NDUFV2: variants seen among roughly 807,000 people sequenced by gnomAD.
NDUFV2 encodes the protein NADH dehydrogenase [ubiquinone] flavoprotein 2, mitochondrial.
Under a neutral mutation model 31.6 loss-of-function variants are expected in NDUFV2, and 18 were observed. The ratio of observed to expected loss-of-function variants is 0.57; its 90% CI spans 0.39 to 0.84. The LOEUF is 0.84. NDUFV2 is among the 40% of genes least tolerant of loss of function. NDUFV2 has a pLI of 0.00. For missense variants in NDUFV2, 314 were observed against 303.6 expected, an observed-to-expected ratio of 1.03 and a Z score of -0.26; for synonymous variants, 83 against 99.8, an observed-to-expected ratio of 0.83 and a Z score of 1.01.
chr18:9,103,525 A>C (rs1235105738), intron 1 of NDUFV2: 1 of 171,894 alleles, frequency 5.8e-6, no homozygotes, highest in East Asian at 1.6e-4. Flanking sequence ...TTATAACAAC[A>C]GGGCCTGTTA....
rs993842890 is a variant in NDUFV2 at position 9,125,123 on chromosome 18, A to C, written c.579+140A>C. On this transcript the variant is annotated intron_variant, in intron 6 of 7. Coordinates refer to ENST00000318388, the MANE Select transcript of NDUFV2 (RefSeq NM_021074.5). ...TGGTTACCATAAATATCCAGGTTTT[A>C]AAAAATTCTTTAAACATTTTTGCAT... 4 of 949,474 alleles carry C rather than the reference A, an allele frequency of 4.2e-6. No individual in the cohort carries two copies. In the African/African-American group the frequency reaches 6.7e-5, roughly 16 times the overall value. 58.8% of individuals were successfully genotyped at this position (949,474 alleles called of 1,614,324 possible). A position where few individuals can be genotyped will look rare whatever the true frequency, so the allele number is the denominator to read the frequency against.
intron 1 of NDUFV2, among the ~76,000 whole-genome samples, chr18:9,105,954 A>C (rs2077839693): frequency 6.6e-6 from 1 of 152,106 alleles, no homozygotes. Context: ...ATGTTGAACA[A>C]TTTTGGATTG....
chr18:9,132,608 GGC>G (rs2078049570), intron 7 of NDUFV2, among the ~76,000 whole-genome samples: 2 of 152,122 alleles, frequency 1.3e-5, no homozygotes. Context: ...CGGGCACAGT[GGC>G]TCACCTGTAA....
At chr18:9,103,487 TAAAA>T (rs1011186495) in intron 1 of NDUFV2, 36 of 206,956 alleles carry the variant, frequency 1.7e-4, no homozygotes, top group African/African-American at 7.5e-4. Flanking sequence ...CACGTTAATC[TAAAA>T]ATGCAGATTT....
intron 1 of NDUFV2, among the ~76,000 whole-genome samples, chr18:9,110,397 C>T (rs745319008): frequency 2.2e-4 from 33 of 151,976 alleles, no homozygotes; most frequent in Non-Finnish European, 4.4e-4. Context: ...ATTTTCAGGC[C>T]ACCTGTAACT....
intron 4 of NDUFV2, among the ~76,000 whole-genome samples, chr18:9,120,120 ATAT>A (rs1200377765): frequency 6.6e-6 from 1 of 152,150 alleles, no homozygotes; most frequent in African/African-American, 2.4e-5. Context: ...TATTCATATA[ATAT>A]TCATTTTTCC....
chr18:9,120,664 A>G (rs916888999), intron 4 of NDUFV2, among the ~76,000 whole-genome samples: 5 of 58,698 alleles, frequency 8.5e-5, no homozygotes, highest in Admixed American at 6.1e-4. Context: ...GTATAGTACT[A>G]TAACACTGGT....
At chr18:9,104,816 G>A in intron 1 of NDUFV2, 6 of 952,076 alleles carry the variant, frequency 6.3e-6, no homozygotes, top group East Asian at 3.0e-5. Flanking sequence ...TATTACACAC[G>A]TCATACGTGT....
intron 1 of NDUFV2, among the ~76,000 whole-genome samples, chr18:9,107,603 C>T (rs1432718231): frequency 1.3e-5 from 2 of 152,216 alleles, no homozygotes; most frequent in African/African-American, 4.8e-5. Context: ...TGCCCAAGAT[C>T]ACACAGTAGT....
At position 9,124,847 on chromosome 18, in the gene NDUFV2, C is replaced by T. The variant is rs1163236190; in HGVS notation, c.470-27C>T. ...AATGACTATTAAAATATAACCTGGT[C>T]CTTAGAGTGTTTATTTGTATTTTTA... is the stretch of plus-strand genomic sequence containing the variant. On this transcript the variant is annotated intron_variant, in intron 5 of 7. Coordinates refer to ENST00000318388, the MANE Select transcript of NDUFV2 (RefSeq NM_021074.5). 3.1e-6 allele frequency: 5 copies of T among 1,598,258 alleles called. No individual in the cohort carries two copies. The African/African-American group carries it at 6.8e-5, about 22-fold the overall frequency.
At chr18:9,132,018 A>AT (rs2078044611) in intron 7 of NDUFV2, among the ~76,000 whole-genome samples, 2 of 152,154 alleles carry the variant, frequency 1.3e-5, no homozygotes. Flanking sequence ...CCTTTGTAGT[A>AT]TTTTAAGGTA....
At chr18:9,128,330 A>C (rs539248034) in intron 7 of NDUFV2, among the ~76,000 whole-genome samples, 2 of 152,366 alleles carry the variant, frequency 1.3e-5, no homozygotes. Flanking sequence ...AAAACTACTA[A>C]TAATACCCTA....
chr18:9,118,854 T>G (rs1371325144), intron 2 of NDUFV2, among the ~76,000 whole-genome samples: 1 of 150,286 alleles, frequency 6.7e-6, no homozygotes, highest in Non-Finnish European at 1.5e-5. Context: ...ATGGTCCTTT[T>G]GTACCCTCCT....
chr18:9,120,367 A>G (rs1183515568), intron 4 of NDUFV2, among the ~76,000 whole-genome samples: 1 of 152,210 alleles, frequency 6.6e-6, no homozygotes, highest in Non-Finnish European at 1.5e-5. Flanking sequence ...CCTCATTGGC[A>G]ATGAAAGTTT....
At position 9,117,575 on chromosome 18, in the gene NDUFV2, G is replaced by T. The variant is rs1598345143; in HGVS notation, c.55-263G>T. The T allele has an allele frequency of 7.4e-6, 3 of 403,850 alleles. No homozygotes were observed. In the East Asian group the frequency reaches 1.3e-4, roughly 17 times the overall value. The allele number at this position is 403,850 out of a possible 1,614,324, so 25.0% of individuals were successfully genotyped here. A position where few individuals can be genotyped will look rare whatever the true frequency, so the allele number is the denominator to read the frequency against. The stretch of plus-strand genomic sequence containing the variant: ...GCATGCCAGCAGAGCGTGGCAGGAA[G>T]GTACACAAGTCAGCAGATCTGGGTT... On this transcript the variant is annotated intron_variant, in intron 1 of 7. Coordinates refer to ENST00000318388, the MANE Select transcript of NDUFV2 (RefSeq NM_021074.5).
chr18:9,124,057 T>G (rs1296445191), intron 5 of NDUFV2, among the ~76,000 whole-genome samples: 1 of 152,140 alleles, frequency 6.6e-6, no homozygotes, highest in Non-Finnish European at 1.5e-5. Flanking sequence ...ACAATCAAAA[T>G]GAAAATAATA....
At chr18:9,119,807 A>T (rs1004420665) in intron 4 of NDUFV2, among the ~76,000 whole-genome samples, 9 of 151,852 alleles carry the variant, frequency 5.9e-5, no homozygotes, top group African/African-American at 9.7e-5. Flanking sequence ...GGAAGGCATT[A>T]TGGTGAAAGA....
intron 1 of NDUFV2, among the ~76,000 whole-genome samples, chr18:9,106,064 C>T (rs1412973211): frequency 1.3e-5 from 2 of 152,190 alleles, no homozygotes; most frequent in Non-Finnish European, 2.9e-5. Context: ...CCCTTGTGGG[C>T]AGCAGATCAA....
chr18:9,126,799 T>A, intron 6 of NDUFV2, 32 bp from the exon 7 acceptor site: 2 of 1,545,008 alleles, frequency 1.3e-6, no homozygotes, highest in Non-Finnish European at 1.8e-6. Flanking sequence ...AGAAAGTAAT[T>A]TAAATATGAC....
Sources: gnomAD v4.1 joint callset for allele counts (sites outside exome capture counted in the v4.1 genomes callset) on GRCh38, gnomAD v4.1.1 for gene constraint, MANE v1.5 for transcripts, NCBI Gene and HGNC (gene_info 2026-07-23, HGNC 2026-07-21) for gene names.